PANK1: variants seen among roughly 807,000 people sequenced by gnomAD.
PANK1 encodes the protein pantothenic acid kinase 1.
A neutral mutation model predicts 40.1 loss-of-function variants in PANK1; 18 were observed. That is an observed-to-expected ratio of 0.45 (90% CI 0.31 to 0.67). The LOEUF is 0.67. Ranked by LOEUF, PANK1 falls within the 30% of genes least tolerant of loss-of-function variation. The pLI is 0.06. For missense variants in PANK1, 457 were observed against 599.6 expected (o/e 0.76, Z 2.48); for synonymous variants, 242 against 237.7 (o/e 1.02, Z -0.17).
intron 2 of PANK1, among the ~76,000 whole-genome samples, chr10:89,609,567 T>C (rs977714620): frequency 1.2e-4 from 19 of 152,180 alleles, no homozygotes; most frequent in African/African-American, 4.3e-4. Context: ...TAACATAACA[T>C]CAAATGGGCT....
At chr10:89,640,316 T>C (rs770971855) in intron 1 of PANK1, among the ~76,000 whole-genome samples, 2 of 152,222 alleles carry the variant, frequency 1.3e-5, no homozygotes, top group Admixed American at 1.3e-4. Flanking sequence ...ATTGTTTTGA[T>C]GTAATTCTCT....
intron 1 of PANK1, among the ~76,000 whole-genome samples, chr10:89,620,459 G>A (rs1335318561): frequency 2.6e-5 from 4 of 152,208 alleles, no homozygotes; most frequent in South Asian, 2.1e-4. Context: ...GAAATACACC[G>A]TGGTCTCCTG....
At chr10:89,636,884 CAG>C (rs1328778156) in intron 1 of PANK1, among the ~76,000 whole-genome samples, 3 of 148,330 alleles carry the variant, frequency 2.0e-5, no homozygotes, top group Non-Finnish European at 3.0e-5. Flanking sequence ...TTTTTTGAGA[CAG>C]AGTCTCTCCC....
chr10:89,608,182 C>T lies in PANK1; in HGVS notation c.645+3514G>A, dbSNP rs188059819. On this transcript the variant is annotated intron_variant, in intron 2 of 6. Coordinates refer to ENST00000307534, the MANE Select transcript of PANK1 (RefSeq NM_148977.3). Reference sequence around the variant, plus strand: ...AAGCAGCTGGGACTACAGGCGCCCGCGACCACGCCCGGCTGATTTTTTGTA... The same window carrying T: ...AAGCAGCTGGGACTACAGGCGCCCGTGACCACGCCCGGCTGATTTTTTGTA... 1.9e-3 allele frequency among the ~76,000 whole-genome samples: 296 copies of T among 152,112 alleles called. 15 individuals are homozygous for T. The East Asian group carries it at 0.052, about 27-fold the overall frequency.
chr10:89,610,703 A>C (rs1845126530), intron 2 of PANK1, among the ~76,000 whole-genome samples: 1 of 152,174 alleles, frequency 6.6e-6, no homozygotes, highest in Non-Finnish European at 1.5e-5. Context: ...TTCTGCACAA[A>C]ATGGCAGTAA....
At chr10:89,609,793 T>C (rs1845095044) in intron 2 of PANK1, among the ~76,000 whole-genome samples, 1 of 152,232 alleles carries the variant, frequency 6.6e-6, no homozygotes, top group Non-Finnish European at 1.5e-5. Flanking sequence ...TTGGTTGTAA[T>C]GAGATGTGAC....
At chr10:89,591,348 G>T (rs1223819075) in intron 5 of PANK1, among the ~76,000 whole-genome samples, 1 of 152,186 alleles carries the variant, frequency 6.6e-6, no homozygotes, top group East Asian at 1.9e-4. Flanking sequence ...TAATGTCTTA[G>T]AAGTCTGTAT....
intron 1 of PANK1, among the ~76,000 whole-genome samples, chr10:89,632,056 C>G (rs1050440787): frequency 2.9e-4 from 44 of 151,380 alleles, no homozygotes; most frequent in African/African-American, 1.0e-3. Context: ...TTTCTGAGGT[C>G]TGCTTCAATA....
At chr10:89,638,383 T>C (rs1158516598) in intron 1 of PANK1, among the ~76,000 whole-genome samples, 1 of 152,204 alleles carries the variant, frequency 6.6e-6, no homozygotes, top group Admixed American at 6.5e-5. Context: ...ATTCTTCCAT[T>C]GTCCTAATGA....
chr10:89,582,041 T>A (rs1448565122), downstream of PANK1: 1 of 152,246 alleles, frequency 6.6e-6, no homozygotes, highest in African/African-American at 2.4e-5. Context: ...ATTGTAGCTA[T>A]CATTAATGAA....
chr10:89,606,338 A>G (rs549350150), intron 2 of PANK1, among the ~76,000 whole-genome samples: 119 of 152,284 alleles, frequency 7.8e-4, no homozygotes, highest in Non-Finnish European at 1.6e-3. Flanking sequence ...ATATAAGGCT[A>G]TTTCATCTAT....
At chr10:89,641,669 T>C (rs1841971853) in intron 1 of PANK1, among the ~76,000 whole-genome samples, 1 of 151,836 alleles carries the variant, frequency 6.6e-6, no homozygotes, top group Admixed American at 6.6e-5. Flanking sequence ...GAGGCGGAGC[T>C]TGCAGTGAGC....
Position 89,599,449 on chromosome 10 carries a change from C to A in PANK1, c.702G>T (p.Leu234=). The A allele has an allele frequency of 1.2e-6, 2 of 1,613,776 alleles. No homozygotes were observed. Among genetic ancestry groups the A allele is most frequent in the Non-Finnish European group, 1.7e-6 (2 of 1,179,658 alleles). ...LDELDCLIQG[L]LYVDSVGFNG... is the part of the protein sequence containing the mutation. ...TGAAGCCAACAGAGTCGACATAAAG[C>A]AGGCCCTGAATCAGACAGTCCAGTT... The change falls in exon 3 of 7, where the codon CTG becomes CTT. Residue 234 remains leucine, a synonymous_variant. Coordinates refer to ENST00000307534, the MANE Select transcript of PANK1 (RefSeq NM_148977.3).
chr10:89,594,031 A>T (rs1201677688), intron 3 of PANK1, 42 bp from the exon 4 acceptor site: 1 of 1,462,426 alleles, frequency 6.8e-7, no homozygotes, highest in Admixed American at 1.7e-5. Context: ...TTACTTTAAG[A>T]TATGCCCATC....
chr10:89,589,248 AAAG>A (rs1844296931), intron 5 of PANK1, among the ~76,000 whole-genome samples: 2 of 152,344 alleles, frequency 1.3e-5, no homozygotes, highest in East Asian at 3.9e-4. Flanking sequence ...CTAGAAATAC[AAAG>A]AAGAAAGAAT....
chr10:89,586,343 T>G (rs1844195715), intron 6 of PANK1, among the ~76,000 whole-genome samples: 1 of 152,154 alleles, frequency 6.6e-6, no homozygotes, highest in Non-Finnish European at 1.5e-5. Context: ...TGTTTTTTTC[T>G]TTTTCAAACA....
At chr10:89,615,904 C>A (rs1845301391) in intron 1 of PANK1, among the ~76,000 whole-genome samples, 1 of 152,128 alleles carries the variant, frequency 6.6e-6, no homozygotes, top group Admixed American at 6.5e-5. Flanking sequence ...GAAGAACATC[C>A]TAGTGCAGCT....
Position 89,584,299 on chromosome 10 carries a change from T to A in PANK1, c.*107A>T, listed in dbSNP as rs1303608428. The A allele has an allele frequency of 1.4e-6, 1 of 697,060 alleles. No individual in the cohort carries two copies. The highest frequency in any genetic ancestry group is 2.2e-5 in the Admixed American group (1 of 46,082). The allele number at this position is 697,060 out of a possible 1,614,324, so 43.2% of individuals were successfully genotyped here. On this transcript the variant is annotated 3_prime_UTR_variant, in exon 7 of 7. Coordinates refer to ENST00000307534, the MANE Select transcript of PANK1 (RefSeq NM_148977.3). Reference sequence around the variant, plus strand: ...ATTATTTACAAATCCAGCAGGTTCATCTGCCATAATGGCTTGGCTTCCGTC... The same window carrying A: ...ATTATTTACAAATCCAGCAGGTTCAACTGCCATAATGGCTTGGCTTCCGTC...
intron 1 of PANK1, among the ~76,000 whole-genome samples, chr10:89,635,482 C>A (rs969173983): frequency 6.6e-6 from 1 of 152,166 alleles, no homozygotes; most frequent in Non-Finnish European, 1.5e-5. Flanking sequence ...CTAAATGCCT[C>A]CCATTAGGCC....
Sources: allele counts gnomAD v4.1 joint callset (sites outside exome capture counted in the v4.1 genomes callset), GRCh38; gene constraint gnomAD v4.1.1; transcripts MANE v1.5; gene names NCBI Gene and HGNC (gene_info 2026-07-23, HGNC 2026-07-21).